Variants in CTNNA3 observed in about 807,000 individuals in gnomAD.
CTNNA3 encodes catenin alpha-3.
A neutral mutation model predicts 95.7 loss-of-function variants in CTNNA3; 76 were observed. That is an observed-to-expected ratio of 0.79 (90% confidence interval 0.66 to 0.96). CTNNA3 has a LOEUF of 0.96. Among genes scored for constraint, CTNNA3 ranks in the 40% least tolerant of loss-of-function variants. The pLI is 0.00. For synonymous variants in CTNNA3, 431 were observed against 374.4 expected (o/e 1.15, Z -1.74); for missense variants, 1,191 against 1,089.8 (o/e 1.09, Z -1.31).
intron 5 of CTNNA3, among the ~76,000 whole-genome samples, chr10:67,222,559 T>C (rs1017726988): frequency 2.6e-5 from 4 of 152,362 alleles, no homozygotes; most frequent in Non-Finnish European, 5.9e-5. Context: ...CTTGGTGTAC[T>C]GTTTCTGTAC....
chr10:67,599,694 T>C (rs960565881), intron 3 of CTNNA3, among the ~76,000 whole-genome samples: 1 of 152,146 alleles, frequency 6.6e-6, no homozygotes, highest in African/African-American at 2.4e-5. Context: ...ATGAAATACT[T>C]GGGGACAAAT....
intron 7 of CTNNA3, among the ~76,000 whole-genome samples, chr10:66,793,923 C>T (rs1385319965): frequency 1.3e-5 from 2 of 152,138 alleles, no homozygotes; most frequent in Non-Finnish European, 2.9e-5. Context: ...TTGGTTTTCT[C>T]ATTAGCTATT....
At chr10:67,415,913 A>G (rs1288638271) in intron 5 of CTNNA3, among the ~76,000 whole-genome samples, 1 of 152,228 alleles carries the variant, frequency 6.6e-6, no homozygotes. Context: ...TCCCTATTCA[A>G]TAAATGGTGC....
At chr10:66,439,329 T>C (rs974251090) in intron 11 of CTNNA3, among the ~76,000 whole-genome samples, 2 of 152,158 alleles carry the variant, frequency 1.3e-5, no homozygotes, top group African/African-American at 4.8e-5. Flanking sequence ...GGATACTATT[T>C]ACATCATCAC....
intron 13 of CTNNA3, among the ~76,000 whole-genome samples, chr10:66,212,510 T>G (rs2088233738): frequency 6.6e-6 from 1 of 152,210 alleles, no homozygotes; most frequent in East Asian, 1.9e-4. Flanking sequence ...ATATAATTAC[T>G]TTTATATTTC....
At chr10:67,444,536 T>C (rs991471496) in intron 5 of CTNNA3, among the ~76,000 whole-genome samples, 3 of 151,758 alleles carry the variant, frequency 2.0e-5, no homozygotes, top group Non-Finnish European at 4.4e-5. Flanking sequence ...AGAAAATAAA[T>C]AATAATGATC....
At chr10:67,059,405 C>A (rs574437240) in intron 7 of CTNNA3, among the ~76,000 whole-genome samples, 7 of 152,074 alleles carry the variant, frequency 4.6e-5, no homozygotes, top group African/African-American at 1.7e-4. Context: ...GAATTGAAAA[C>A]AATTAATTGC....
intron 5 of CTNNA3, among the ~76,000 whole-genome samples, chr10:67,332,893 G>C (rs567608550): frequency 6.6e-6 from 1 of 152,086 alleles, no homozygotes; most frequent in East Asian, 1.9e-4. Flanking sequence ...GCTATAGCAC[G>C]TGAATGCCCC....
chr10:66,112,403 A>G (rs1232334842), intron 13 of CTNNA3, among the ~76,000 whole-genome samples: 1 of 152,046 alleles, frequency 6.6e-6, no homozygotes, highest in Non-Finnish European at 1.5e-5. Context: ...ATAATTCAAA[A>G]CTGCCTCCAG....
chr10:65,933,282 T>C (rs568973841), intron 17 of CTNNA3, among the ~76,000 whole-genome samples: 1 of 152,288 alleles, frequency 6.6e-6, no homozygotes, highest in African/African-American at 2.4e-5. Context: ...AATTTGATAG[T>C]AATAATAATA....
rs556710872 is a variant in CTNNA3, at chr10:66,103,549, G to T, written c.1885-300C>A. Among the ~76,000 whole-genome samples the T allele has an allele frequency of 2.0e-5, 3 of 152,186 alleles. No individual in the cohort carries two copies. The East Asian group carries it at 5.8e-4, about 29-fold the overall frequency. On this transcript the variant is annotated intron_variant, in intron 13 of 17. Coordinates refer to ENST00000433211, the MANE Select transcript of CTNNA3 (RefSeq NM_013266.4). ...ATGGAATATAATTTGGCCATAAAAAGGAGCAAAATACTGATACACACCACA... is the reference window on the plus strand; with the variant it reads ...ATGGAATATAATTTGGCCATAAAAATGAGCAAAATACTGATACACACCACA...
intron 17 of CTNNA3, among the ~76,000 whole-genome samples, chr10:65,953,584 G>A (rs1399797204): frequency 6.6e-6 from 1 of 150,698 alleles, no homozygotes; most frequent in African/African-American, 2.4e-5. Flanking sequence ...CCCACCCTGT[G>A]TCCAAGTATT....
chr10:66,472,638 T>C (rs1839177946), intron 11 of CTNNA3, among the ~76,000 whole-genome samples: 1 of 152,068 alleles, frequency 6.6e-6, no homozygotes, highest in African/African-American at 2.4e-5. Context: ...CAATTTGTTA[T>C]AATTTGGATA....
At chr10:66,261,023 C>T (rs1589881722) in intron 13 of CTNNA3, among the ~76,000 whole-genome samples, 1 of 152,014 alleles carries the variant, frequency 6.6e-6, no homozygotes, top group East Asian at 1.9e-4. Flanking sequence ...GTTTTCTTTC[C>T]TATCCATAAA....
At chr10:67,750,223 C>T in intron 1 of CTNNA3, 2 of 1,456,348 alleles carry the variant, frequency 1.4e-6, no homozygotes, top group South Asian at 1.2e-5. Context: ...AAGGAACCAA[C>T]TCTGGACACA....
rs181427905 is a variant in CTNNA3, at chr10:67,019,941, C to A, written c.1047+160376G>T. 9.2e-5 allele frequency among the ~76,000 whole-genome samples: 14 copies of A among 152,186 alleles called. No homozygotes were observed. In the South Asian group the frequency reaches 2.7e-3, roughly 29 times the overall value. On this transcript the variant is annotated intron_variant, in intron 7 of 17. Coordinates refer to ENST00000433211, the MANE Select transcript of CTNNA3 (RefSeq NM_013266.4). ...ATTAAATGCATTTATGAAATAAGAACGTCACTTGTTTAATTTGCTTTAAAT... is the reference window on the plus strand; with the variant it reads ...ATTAAATGCATTTATGAAATAAGAAAGTCACTTGTTTAATTTGCTTTAAAT...
At chr10:65,971,021 G>A (rs1293626376) in intron 16 of CTNNA3, among the ~76,000 whole-genome samples, 1 of 149,726 alleles carries the variant, frequency 6.7e-6, no homozygotes, top group African/African-American at 2.4e-5. Context: ...GCTAGTCTCA[G>A]TATCTTCATA....
chr10:66,239,714 G>T (rs111340294), intron 13 of CTNNA3, among the ~76,000 whole-genome samples: 2 of 151,960 alleles, frequency 1.3e-5, no homozygotes, highest in Non-Finnish European at 2.9e-5. Context: ...ATTGATACTG[G>T]TTTGTTGTTT....
intron 7 of CTNNA3, among the ~76,000 whole-genome samples, chr10:67,145,995 T>G (rs1176579297): frequency 6.6e-6 from 1 of 152,166 alleles, no homozygotes; most frequent in African/African-American, 2.4e-5. Context: ...ATATTTCAAT[T>G]GTTGTCAGGT....
Sources: allele counts gnomAD v4.1 joint callset (sites outside exome capture counted in the v4.1 genomes callset), GRCh38; gene constraint gnomAD v4.1.1; transcripts MANE v1.5; gene names NCBI Gene and HGNC (gene_info 2026-07-23, HGNC 2026-07-21).